EZR: variants seen among roughly 807,000 people sequenced by gnomAD.
EZR encodes cytovillin 2.
A neutral mutation model predicts 74.8 loss-of-function variants in EZR; 40 were observed. That is an observed-to-expected ratio of 0.53 (90% confidence interval 0.42 to 0.70). The LOEUF (loss-of-function observed/expected upper bound fraction) is 0.70. Ranked by LOEUF, EZR falls within the 30% of genes least tolerant of loss-of-function variation. EZR has a pLI of 0.00. For synonymous variants in EZR, 341 were observed against 283.3 expected (o/e 1.20, Z -2.05); for missense variants, 678 against 755.8 (o/e 0.90, Z 1.21).
intron 2 of EZR, among the ~76,000 whole-genome samples, chr6:158,797,500 T>C (rs890713636): frequency 7.9e-5 from 12 of 152,176 alleles, no homozygotes; most frequent in South Asian, 6.2e-4. Flanking sequence ...AAGATTACAT[T>C]GCGAGCTTGA....
intron 2 of EZR, among the ~76,000 whole-genome samples, chr6:158,803,866 C>A (rs1338016622): frequency 6.6e-6 from 1 of 151,754 alleles, no homozygotes. Context: ...TCATTATTAT[C>A]AGCAAGAAAA....
chr6:158,783,771 G>T, intron 6 of EZR, 105 bp from the exon 7 acceptor site: 2 of 1,240,894 alleles, frequency 1.6e-6, no homozygotes, highest in Non-Finnish European at 2.3e-6. Context: ...TGTAGGATGG[G>T]CTCAATGCTG....
intron 1 of EZR, 200 bp from the exon 2 acceptor site, chr6:158,818,366 G>A (rs1777611271): frequency 5.0e-6 from 1 of 199,598 alleles, no homozygotes; most frequent in Admixed American, 6.0e-5. Flanking sequence ...CCGGCGAGGA[G>A]GCGCCCGAGA....
chr6:158,780,009 C>T (rs1791387564), intron 7 of EZR, among the ~76,000 whole-genome samples: 1 of 151,968 alleles, frequency 6.6e-6, no homozygotes, highest in Admixed American at 6.5e-5. Flanking sequence ...ACAGTGAAAC[C>T]CCATCTCTAC....
intron 2 of EZR, among the ~76,000 whole-genome samples, chr6:158,800,389 CA>C (rs1263822756): frequency 6.6e-6 from 1 of 152,200 alleles, no homozygotes; most frequent in African/African-American, 2.4e-5. Flanking sequence ...CAGGGACACA[CA>C]TTTAAGCTCC....
At chr6:158,807,347 A>G (rs941700684) in intron 2 of EZR, among the ~76,000 whole-genome samples, 21 of 151,824 alleles carry the variant, frequency 1.4e-4, no homozygotes, top group Admixed American at 5.9e-4. Context: ...CAAAAAAGAC[A>G]AGGCTGGATC....
intron 2 of EZR, among the ~76,000 whole-genome samples, chr6:158,799,081 CA>C (rs777423715): frequency 6.6e-6 from 1 of 152,220 alleles, no homozygotes; most frequent in Non-Finnish European, 1.5e-5. Flanking sequence ...ATGACAATAC[CA>C]GGCATGGTTC....
In EZR at chr6:158,780,826, T is replaced by C. The variant is rs1370716953; in HGVS notation, c.698+2694A>G. Among the ~76,000 whole-genome samples the C allele has an allele frequency of 2.0e-5, 3 of 152,244 alleles. No individual in the cohort carries two copies. The East Asian group carries it at 5.8e-4, about 29-fold the overall frequency. On this transcript the variant is annotated intron_variant, in intron 7 of 13. Coordinates refer to ENST00000367075, the MANE Select transcript of EZR (RefSeq NM_001111077.2). ...CCTCTGTTCACAAGCTTACAATGCCTGTCAGGAGGGCGCTTACCTGTTTTT... is the reference window on the plus strand; with the variant it reads ...CCTCTGTTCACAAGCTTACAATGCCCGTCAGGAGGGCGCTTACCTGTTTTT...
intron 8 of EZR, among the ~76,000 whole-genome samples, chr6:158,774,587 A>G (rs1346239074): frequency 6.6e-6 from 1 of 151,418 alleles, no homozygotes; most frequent in Non-Finnish European, 1.5e-5. Context: ...ATAAAGGCAC[A>G]TGCACGAGAT....
chr6:158,769,494 T>C (rs1001827554), intron 11 of EZR, 76 bp from the exon 12 acceptor site: 4 of 1,447,188 alleles, frequency 2.8e-6, no homozygotes, highest in Non-Finnish European at 9.5e-7. Context: ...AGTGTTCATG[T>C]GTGTTGGCAA....
intron 2 of EZR, among the ~76,000 whole-genome samples, chr6:158,809,524 A>C (rs1445263095): frequency 6.6e-6 from 1 of 152,214 alleles, no homozygotes; most frequent in Admixed American, 6.5e-5. Context: ...GCTTTGTTTA[A>C]AACATTACCT....
chr6:158,809,145 C>T (rs1777401415), intron 2 of EZR, among the ~76,000 whole-genome samples: 1 of 152,114 alleles, frequency 6.6e-6, no homozygotes, highest in Non-Finnish European at 1.5e-5. Context: ...CCAGAAAAGA[C>T]AAAAAGCACA....
chr6:158,767,134 T>C, intron 13 of EZR, 56 bp from the exon 14 acceptor site: 1 of 1,601,012 alleles, frequency 6.2e-7, no homozygotes, highest in South Asian at 1.1e-5. Flanking sequence ...GCCCGGCCCG[T>C]CCCCTAGGAA....
Position 158,810,549 on chromosome 6 carries a change from C to T in EZR, c.12+7533G>A, listed in dbSNP as rs76038147. ...CCAAGCACATAATGGGATATAATAG[C>T]GCTTCAAAACATGAAGGTGGTACCC... On this transcript the variant is annotated intron_variant, in intron 2 of 13. Coordinates refer to ENST00000367075, the MANE Select transcript of EZR (RefSeq NM_001111077.2). 3.5e-3 allele frequency among the ~76,000 whole-genome samples: 529 copies of T among 152,272 alleles called. 3 individuals carry two copies. Among genetic ancestry groups the T allele is most frequent in the African/African-American group, 0.012 (485 of 41,544 alleles).
chr6:158,818,717 G>C (rs544183176), intron 1 of EZR, among the ~76,000 whole-genome samples: 37 of 151,970 alleles, frequency 2.4e-4, no homozygotes, highest in African/African-American at 7.5e-4. Flanking sequence ...CCCGGGGAGA[G>C]GGAGCGCGCG....
At chr6:158,801,512 A>G (rs3127188) in intron 2 of EZR, among the ~76,000 whole-genome samples, 79,131 of 152,138 alleles carry the variant, frequency 0.52, 21,598 homozygotes, top group Non-Finnish European at 0.61. Context: ...AAATTGTCAC[A>G]TAATTCAGTA....
Position 158,767,435 on chromosome 6 carries a change from T to TGGTGGG in EZR, c.1416_1421dup (p.Pro475_Pro476dup). 1.5e-6 allele frequency: 2 copies of TGGTGGG among 1,375,616 alleles called. No homozygotes were observed. Among genetic ancestry groups the TGGTGGG allele is most frequent in the Non-Finnish European group, 2.0e-6 (2 of 1,017,996 alleles). The allele number at this position is 1,375,616 out of a possible 1,614,324, so 85.2% of individuals were successfully genotyped here. A position where few individuals can be genotyped will look rare whatever the true frequency, so the allele number is the denominator to read the frequency against. ...AGCTCACCGGCTCGTACACGGGGGGTGGTGGGGGCGGGGGTGCTGTCATCA... is the reference window on the plus strand; with the variant it reads ...AGCTCACCGGCTCGTACACGGGGGGTGGTGGGGGTGGGGGCGGGGGTGCTGTCATCA... On this transcript the variant is annotated inframe_insertion, in exon 13 of 14. Transcript: ENST00000367075.
rs1261858277 is a variant in EZR at position 158,765,857 on chromosome 6, C to A, written c.*1057G>T. 1 of 152,228 alleles carries A rather than the reference C, an allele frequency of 6.6e-6. No individual in the cohort carries two copies. Among genetic ancestry groups the A allele is most frequent in the Non-Finnish European group, 1.5e-5 (1 of 68,046 alleles). 9.4% of individuals were successfully genotyped at this position (152,228 alleles called of 1,614,324 possible). On this transcript the variant is annotated 3_prime_UTR_variant, in exon 14 of 14. Transcript: ENST00000367075. Reference sequence around the variant, plus strand: ...ACGAGAAGGAATGAGTGGGCGGAACCAACGGCCTCCACAAGCTGCCTTCCA... The same window carrying A: ...ACGAGAAGGAATGAGTGGGCGGAACAAACGGCCTCCACAAGCTGCCTTCCA...
Position 158,765,941 on chromosome 6 carries a change from A to T in EZR, c.*973T>A, listed in dbSNP as rs1278042196. ...CAAACAAACAAACACAAGCAAACAG[A>T]GTCTCTTCACAGCTGGAGTCTGAAA... is the stretch of plus-strand genomic sequence containing the variant. On this transcript the variant is annotated 3_prime_UTR_variant, in exon 14 of 14. Coordinates refer to ENST00000367075, the MANE Select transcript of EZR (RefSeq NM_001111077.2). The T allele has an allele frequency of 1.3e-5, 2 of 151,270 alleles. No homozygotes were observed. The highest frequency in any genetic ancestry group is 2.1e-4 in the South Asian group (1 of 4,812). The allele number at this position is 151,270 out of a possible 1,614,324, so 9.4% of individuals were successfully genotyped here.
Sources: gnomAD v4.1 joint callset for allele counts (sites outside exome capture counted in the v4.1 genomes callset) on GRCh38, gnomAD v4.1.1 for gene constraint, MANE v1.5 for transcripts, NCBI Gene and HGNC (gene_info 2026-07-23, HGNC 2026-07-21) for gene names.